Variants in PLXNA4 observed in about 807,000 individuals in gnomAD.
PLXNA4 encodes the protein plexin A4.
In PLXNA4, 44 loss-of-function variants were observed where a neutral mutation model predicts 191.8. That is an observed-to-expected ratio of 0.23 (90% CI 0.18 to 0.29). The LOEUF is 0.29. PLXNA4 is among the 10% of genes least tolerant of loss of function. The probability of loss-of-function intolerance (pLI) is 1.00; values close to 1 mark genes in which losing one functional copy is unlikely to be tolerated. For missense variants in PLXNA4, 1,800 were observed against 2,488.8 expected (o/e 0.72, Z 5.89); for synonymous variants, 1,082 against 1,009.5 (o/e 1.07, Z -1.36).
At chr7:132,196,688 T>C (rs1191796433) in intron 13 of PLXNA4, among the ~76,000 whole-genome samples, 13 of 152,338 alleles carry the variant, frequency 8.5e-5, no homozygotes, top group Middle Eastern at 3.4e-3. Context: ...TTTCCAAATT[T>C]CCTTCTAGAA....
intron 4 of PLXNA4, among the ~76,000 whole-genome samples, chr7:132,246,798 CA>C (rs1799072037): frequency 6.6e-6 from 1 of 151,614 alleles, no homozygotes; most frequent in Non-Finnish European, 1.5e-5. Context: ...TCATCATCAT[CA>C]TCATCATCCT....
chr7:132,467,967 A>G (rs972672944), intron 3 of PLXNA4, among the ~76,000 whole-genome samples: 1 of 152,190 alleles, frequency 6.6e-6, no homozygotes, highest in African/African-American at 2.4e-5. Context: ...GTAACTGCAC[A>G]TGGCTCTCAC....
intron 1 of PLXNA4, among the ~76,000 whole-genome samples, chr7:132,566,180 G>A (rs1801714818): frequency 6.6e-6 from 1 of 152,112 alleles, no homozygotes; most frequent in African/African-American, 2.4e-5. Context: ...CAAGCATGGG[G>A]GGGCTCTATA....
chr7:132,310,693 T>C (rs1334490888), intron 3 of PLXNA4, among the ~76,000 whole-genome samples: 1 of 152,174 alleles, frequency 6.6e-6, no homozygotes, highest in Non-Finnish European at 1.5e-5. Context: ...CCTTGACAAA[T>C]AAATAACCCA....
Position 132,251,795 on chromosome 7 carries a change from CTG to C in PLXNA4, c.1504-10631_1504-10630del, listed in dbSNP as rs199701454. On this transcript the variant is annotated intron_variant, in intron 4 of 31. Coordinates refer to ENST00000321063, the MANE Select transcript of PLXNA4 (RefSeq NM_020911.2). The stretch of plus-strand genomic sequence containing the variant: ...CAGAAGTGTTCTGGACCACAGGAGA[CTG>C]TGTGCAAATAAACACATCTTTCCTC... Among the ~76,000 whole-genome samples the C allele has an allele frequency of 3.4e-3, 517 of 152,334 alleles. 7 individuals are homozygous for C. Among genetic ancestry groups the C allele is most frequent in the African/African-American group, 0.012 (484 of 41,564 alleles).
chr7:132,395,873 T>A (rs1793736144), intron 3 of PLXNA4, among the ~76,000 whole-genome samples: 1 of 152,246 alleles, frequency 6.6e-6, no homozygotes, highest in African/African-American at 2.4e-5. Flanking sequence ...ATTATACCTA[T>A]GCCTGTACAC....
intron 3 of PLXNA4, among the ~76,000 whole-genome samples, chr7:132,326,763 G>T (rs1024487908): frequency 2.0e-5 from 3 of 152,070 alleles, no homozygotes; most frequent in African/African-American, 7.2e-5. Flanking sequence ...TGAAGTTATA[G>T]CTGTTTATTT....
At chr7:132,188,619 A>G (rs1216499438) in intron 14 of PLXNA4, among the ~76,000 whole-genome samples, 3 of 152,028 alleles carry the variant, frequency 2.0e-5, no homozygotes, top group African/African-American at 7.2e-5. Context: ...GACCTGCCTC[A>G]CCAGGTCTCA....
intron 3 of PLXNA4, among the ~76,000 whole-genome samples, chr7:132,444,500 G>A (rs971979048): frequency 1.3e-5 from 2 of 152,310 alleles, no homozygotes; most frequent in East Asian, 1.9e-4. Flanking sequence ...CAAAGTGCTG[G>A]GATTACAGAT....
At chr7:132,638,693 C>T (rs915036480) in intron 2 of PLXNA4, among the ~76,000 whole-genome samples, 2 of 151,912 alleles carry the variant, frequency 1.3e-5, no homozygotes, top group Admixed American at 1.3e-4. Context: ...CCATTTGTAC[C>T]CATGGTTTCT....
At chr7:132,570,571 G>C (rs1801934230) in intron 1 of PLXNA4, among the ~76,000 whole-genome samples, 1 of 152,212 alleles carries the variant, frequency 6.6e-6, no homozygotes, top group Non-Finnish European at 1.5e-5. Context: ...CTTGAGCGAA[G>C]ACCAGGAAAG....
At chr7:132,542,747 T>C (rs970721911) in intron 1 of PLXNA4, among the ~76,000 whole-genome samples, 1 of 152,224 alleles carries the variant, frequency 6.6e-6, no homozygotes, top group Non-Finnish European at 1.5e-5. Flanking sequence ...TAATTATCTC[T>C]TCAGCTATTT....
rs537211932 is a variant in PLXNA4, at chr7:132,252,013, G to A, written c.1504-10847C>T. ...AGACCAGGTGCTGCTGGCTTAGAAA[G>A]GAGGCAGAGACGACAGATGACCCAA... On this transcript the variant is annotated intron_variant, in intron 4 of 31. Coordinates refer to ENST00000321063, the MANE Select transcript of PLXNA4 (RefSeq NM_020911.2). Among the ~76,000 whole-genome samples the A allele has an allele frequency of 2.0e-5, 3 of 152,304 alleles. No homozygotes were observed. The South Asian group carries it at 6.2e-4, about 32-fold the overall frequency.
chr7:132,189,640 AG>A (rs1382432068), intron 14 of PLXNA4, among the ~76,000 whole-genome samples: 1 of 152,110 alleles, frequency 6.6e-6, no homozygotes, highest in Non-Finnish European at 1.5e-5. Flanking sequence ...TCAGAACTCC[AG>A]GGGAGCTAGG....
chr7:132,573,737 T>G (rs1445448607), intron 1 of PLXNA4, among the ~76,000 whole-genome samples: 2 of 152,150 alleles, frequency 1.3e-5, no homozygotes, highest in African/African-American at 4.8e-5. Context: ...GAGGAAGTCC[T>G]GGGAGGACAG....
At chr7:132,401,732 G>A (rs190607207) in intron 3 of PLXNA4, among the ~76,000 whole-genome samples, 97 of 152,286 alleles carry the variant, frequency 6.4e-4, no homozygotes, top group African/African-American at 2.3e-3. Flanking sequence ...TGAACTTGGG[G>A]ACAGCTGAGG....
intron 4 of PLXNA4, among the ~76,000 whole-genome samples, chr7:132,296,495 C>A (rs1440146798): frequency 1.3e-5 from 2 of 150,454 alleles, no homozygotes; most frequent in Non-Finnish European, 2.9e-5. Context: ...TGGCCTTGAA[C>A]TCCTGGCCTT....
chr7:132,249,230 C>G (rs1799163418), intron 4 of PLXNA4, among the ~76,000 whole-genome samples: 1 of 152,230 alleles, frequency 6.6e-6, no homozygotes, highest in African/African-American at 2.4e-5. Flanking sequence ...CAGTCCTGCT[C>G]TGCCTTAAAG....
intron 3 of PLXNA4, among the ~76,000 whole-genome samples, chr7:132,329,276 A>T (rs1399422364): frequency 2.0e-5 from 3 of 152,082 alleles, no homozygotes; most frequent in Non-Finnish European, 4.4e-5. Flanking sequence ...TTACCCTTTT[A>T]GCACTCACCC....
Sources: gnomAD v4.1 joint callset for allele counts (sites outside exome capture counted in the v4.1 genomes callset) on GRCh38, gnomAD v4.1.1 for gene constraint, MANE v1.5 for transcripts, NCBI Gene and HGNC (gene_info 2026-07-23, HGNC 2026-07-21) for gene names.